CCDC3: variants seen among roughly 807,000 people sequenced by gnomAD.
The protein encoded by CCDC3 is coiled-coil domain-containing protein 3.
Under a neutral mutation model 21.4 loss-of-function variants are expected in CCDC3, and 24 were observed. The observed-to-expected ratio is 1.12, with a 90% confidence interval of 0.81 to 1.58. CCDC3 has a LOEUF of 1.58. Among genes scored for constraint, CCDC3 ranks in the 40% most tolerant of loss-of-function variants. CCDC3 has a pLI of 0.00. For synonymous variants in CCDC3, 186 were observed against 166.0 expected, an observed-to-expected ratio of 1.12 and a Z score of -0.93; for missense variants, 425 against 360.9, an observed-to-expected ratio of 1.18 and a Z score of -1.44.
At chr10:13,045,980 T>G (rs537400505) in intron 5 of CCDC3, among the ~76,000 whole-genome samples, 1 of 151,840 alleles carries the variant, frequency 6.6e-6, no homozygotes, top group East Asian at 2.0e-4. Context: ...TCCCAGCTAC[T>G]CAGGAAGGCT....
Position 13,062,115 on chromosome 10 carries a change from T to TA in CCDC3, c.-270+11752dup, listed in dbSNP as rs1474291446. On this transcript the variant is annotated intron_variant, in intron 4 of 6. Transcript: ENST00000378839. ...GAAAGTAAGTAGCAATATGTAGGGT[T>TA]AAATAAAACCCATCTGACGAGAATT... Among the ~76,000 whole-genome samples the TA allele has an allele frequency of 2.0e-5, 3 of 152,272 alleles. No individual in the cohort carries two copies. In the East Asian group the frequency reaches 5.8e-4, roughly 29 times the overall value.
chr10:13,019,126 C>T (rs901687921), intron 5 of CCDC3, among the ~76,000 whole-genome samples: 29 of 151,960 alleles, frequency 1.9e-4, no homozygotes, highest in Middle Eastern at 3.4e-3. Flanking sequence ...CCCAGCTACT[C>T]GGGAGGCTGA....
At chr10:12,974,923 G>A (rs1345727938) in intron 2 of CCDC3, among the ~76,000 whole-genome samples, 1 of 152,198 alleles carries the variant, frequency 6.6e-6, no homozygotes, top group African/African-American at 2.4e-5. Flanking sequence ...GAGACTCACA[G>A]TACCTGGTGT....
intron 2 of CCDC3, among the ~76,000 whole-genome samples, chr10:12,943,828 CTT>C (rs1202942538): frequency 6.6e-6 from 1 of 152,156 alleles, no homozygotes; most frequent in Non-Finnish European, 1.5e-5. Flanking sequence ...GAGTTTTTCT[CTT>C]TCTCTCTATT....
At chr10:12,920,395 G>C (rs281858) in intron 2 of CCDC3, among the ~76,000 whole-genome samples, 58,314 of 151,996 alleles carry the variant, frequency 0.38, 11,432 homozygotes, top group Admixed American at 0.47. Context: ...GGTGGGGACA[G>C]AGCCAAACCA....
At chr10:12,998,243 T>C (rs1835791835) in intron 2 of CCDC3, 95 bp downstream of exon 2, 8 of 1,384,098 alleles carry the variant, frequency 5.8e-6, no homozygotes, top group Non-Finnish European at 7.9e-6. Context: ...TCTGGGCTTT[T>C]GGAAGAGTAT....
intron 2 of CCDC3, among the ~76,000 whole-genome samples, chr10:12,966,330 C>T (rs1379510630): frequency 6.6e-6 from 1 of 151,998 alleles, no homozygotes; most frequent in African/African-American, 2.4e-5. Flanking sequence ...AAATTCAGCA[C>T]AGCCTATTTA....
chr10:12,944,915 A>C (rs552405911), intron 2 of CCDC3, among the ~76,000 whole-genome samples: 1 of 152,364 alleles, frequency 6.6e-6, no homozygotes, highest in African/African-American at 2.4e-5. Flanking sequence ...CTATACTAGA[A>C]GGTTTTAATA....
intron 2 of CCDC3, among the ~76,000 whole-genome samples, chr10:12,961,363 G>A (rs930053377): frequency 6.6e-6 from 1 of 152,158 alleles, no homozygotes; most frequent in South Asian, 2.1e-4. Flanking sequence ...AAAAAGGCAG[G>A]TGGGTCAACT....
chr10:13,061,173 G>C (rs1305564252), intron 4 of CCDC3, among the ~76,000 whole-genome samples: 1 of 152,196 alleles, frequency 6.6e-6, no homozygotes, highest in East Asian at 1.9e-4. Context: ...GTAGGAATGA[G>C]TATAAATTAT....
intron 2 of CCDC3, among the ~76,000 whole-genome samples, chr10:12,952,220 G>C (rs1835018812): frequency 6.6e-6 from 1 of 152,192 alleles, no homozygotes; most frequent in African/African-American, 2.4e-5. Context: ...GAGGGAGAAG[G>C]TTTTGTTGGT....
intron 3 of CCDC3, among the ~76,000 whole-genome samples, chr10:13,081,162 G>C (rs1247118482): frequency 1.1e-5 from 1 of 91,258 alleles, no homozygotes; most frequent in Non-Finnish European, 2.5e-5. Flanking sequence ...GAACTATAAA[G>C]TAAAAAAAAA....
chr10:12,923,235 C>T (rs1808422733), intron 2 of CCDC3, among the ~76,000 whole-genome samples: 1 of 152,162 alleles, frequency 6.6e-6, no homozygotes, highest in African/African-American at 2.4e-5. Flanking sequence ...GGTCAGTACA[C>T]TTGCAGCATG....
intron 2 of CCDC3, among the ~76,000 whole-genome samples, chr10:12,945,653 ATAGGG>A (rs1428378189): frequency 8.5e-5 from 13 of 152,176 alleles, no homozygotes; most frequent in Non-Finnish European, 1.3e-4. Flanking sequence ...TCTTAATAAG[ATAGGG>A]TAAAAGGTTT....
chr10:13,091,085 G>C (rs1832560521), intron 3 of CCDC3, among the ~76,000 whole-genome samples: 2 of 148,204 alleles, frequency 1.3e-5, no homozygotes, highest in South Asian at 4.2e-4. Context: ...GACTCAGCAA[G>C]TCTGCCCTTC....
chr10:13,075,760 G>T (rs773270248), intron 3 of CCDC3, among the ~76,000 whole-genome samples: 92 of 152,010 alleles, frequency 6.1e-4, no homozygotes, highest in Non-Finnish European at 1.2e-3. Context: ...ATCGATGTGG[G>T]TAGGCGCACG....
At chr10:13,013,608 T>A (rs1836011310) in intron 5 of CCDC3, among the ~76,000 whole-genome samples, 1 of 152,056 alleles carries the variant, frequency 6.6e-6, no homozygotes, top group Non-Finnish European at 1.5e-5. Context: ...ACCATGGTAA[T>A]CCAAGTAAAT....
chr10:13,074,725 T>C (rs941915547), intron 3 of CCDC3, among the ~76,000 whole-genome samples: 1 of 152,106 alleles, frequency 6.6e-6, no homozygotes, highest in Non-Finnish European at 1.5e-5. Flanking sequence ...CACACTCACA[T>C]GAGTTCCCCG....
chr10:12,979,999 G>A (rs1835471663), intron 2 of CCDC3, among the ~76,000 whole-genome samples: 2 of 152,154 alleles, frequency 1.3e-5, no homozygotes, highest in East Asian at 1.9e-4. Context: ...ACTAGGCTAC[G>A]TGCTAATAGT....
Sources: allele counts gnomAD v4.1 joint callset (sites outside exome capture counted in the v4.1 genomes callset), GRCh38; gene constraint gnomAD v4.1.1; transcripts MANE v1.5; gene names NCBI Gene and HGNC (gene_info 2026-07-23, HGNC 2026-07-21).